Variants in ERCC3 observed in about 807,000 individuals in gnomAD.
The protein encoded by ERCC3 is general transcription and DNA repair factor IIH helicase/translocase subunit XPB.
Under a neutral mutation model 94.2 loss-of-function variants are expected in ERCC3, and 66 were observed. The ratio of observed to expected loss-of-function variants is 0.70; its 90% confidence interval spans 0.57 to 0.86. The LOEUF is 0.86. Ranked by LOEUF, ERCC3 falls within the 40% of genes least tolerant of loss-of-function variation. ERCC3 has a pLI of 0.00. For synonymous variants in ERCC3, 349 were observed against 369.1 expected, an observed-to-expected ratio of 0.95 and a Z score of 0.63; for missense variants, 829 against 987.1, an observed-to-expected ratio of 0.84 and a Z score of 2.15.
rs777771292 is a variant in ERCC3 at position 127,293,607 on chromosome 2, T to A, written c.140A>T (p.Asp47Val). The change falls in exon 2 of 15, where the codon GAT becomes GTT. Residue 47 changes from aspartate to valine, a missense_variant. Coordinates refer to ENST00000285398, the MANE Select transcript of ERCC3 (RefSeq NM_000122.2). ...AVPSAAGKQV[D>V]ESGTKVDEYG... is the part of the protein sequence containing the mutation. ...TTCATCCACTTTGGTGCCTGACTCA[T>A]CCACCTGCTTCCCCGCCGCCGAGGG... 3 of 1,614,230 alleles carry A rather than the reference T, an allele frequency of 1.9e-6. No homozygotes were observed. The highest frequency in any genetic ancestry group is 2.5e-6 in the Non-Finnish European group (3 of 1,180,038).
intron 12 of ERCC3, among the ~76,000 whole-genome samples, chr2:127,266,574 T>G (rs1684374690): frequency 6.6e-6 from 1 of 151,976 alleles, no homozygotes; most frequent in Admixed American, 6.6e-5. Flanking sequence ...CCTGACCTCG[T>G]GATCCACCCG....
chr2:127,264,826 CAGGACTTT>C lies in ERCC3; in HGVS notation c.1946-3488_1946-3481del. Among the ~76,000 whole-genome samples the C allele has an allele frequency of 6.6e-6, 1 of 151,592 alleles. No homozygotes were observed. The highest frequency in any genetic ancestry group is 6.6e-5 in the Admixed American group (1 of 15,208). On this transcript the variant is annotated intron_variant, in intron 12 of 14. Coordinates refer to ENST00000285398, the MANE Select transcript of ERCC3 (RefSeq NM_000122.2). This position sits in a 1 kb window ranked among gnomAD's most constrained non-coding sequence, Gnocchi z 4.4. ...TCAGTAGAACTGAATACATCTGGTC[CAGGACTTT>C]TTTAGTTGGTAGATTTTTTTTTTTT...
rs1432137377 is a variant in ERCC3, at chr2:127,284,542, G to A, written c.1342+2161C>T. ...TAGGTATCTCCAGAAACCCATCAGG[G>A]CTGAAGAGCTCTCATGCACAGAAAG... On this transcript the variant is annotated intron_variant, in intron 8 of 14. Coordinates refer to ENST00000285398, the MANE Select transcript of ERCC3 (RefSeq NM_000122.2). This position sits in a 1 kb window ranked among gnomAD's most constrained non-coding sequence, Gnocchi z 4.1. Among the ~76,000 whole-genome samples the A allele has an allele frequency of 6.6e-6, 1 of 152,198 alleles. No individual in the cohort carries two copies. The highest frequency in any genetic ancestry group is 2.4e-5 in the African/African-American group (1 of 41,450).
At chr2:127,273,026 G>C in intron 10 of ERCC3, 65 bp from the exon 11 acceptor site, 2 of 1,035,872 alleles carry the variant, frequency 1.9e-6, no homozygotes, top group Non-Finnish European at 3.1e-6. Context: ...AAACACATCA[G>C]AGGGAAAAAG....
chr2:127,290,260 C>G lies in ERCC3; in HGVS notation c.485G>C (p.Ser162Thr), dbSNP rs1685222886. 6.2e-7 allele frequency: 1 copy of G among 1,613,716 alleles called. No homozygotes were observed. The highest frequency in any genetic ancestry group is 1.3e-5 in the African/African-American group (1 of 74,934). The change falls in exon 4 of 15, where the codon AGC becomes ACC. Residue 162 changes from serine to threonine, a missense_variant. Ser to Thr is a moderately conservative substitution (Grantham distance 58). Transcript: ENST00000285398. ...CAAGACCAGCTTGACTTTTCCATAG[C>G]TGACAGTACACAACTGCAAATACAG... Reference protein sequence around the residue: ...IMQFIKLCTVSYGKVKLVLKH... With the variant: ...IMQFIKLCTVTYGKVKLVLKH...
chr2:127,289,705 A>G lies in ERCC3; in HGVS notation c.641T>C (p.Phe214Ser). Residue 214 changes from phenylalanine (F) to serine (S), a missense_variant, in exon 5 of 15, where the codon TTC becomes TCC. Phe to Ser is a radical substitution (Grantham distance 155). Transcript: ENST00000285398. The stretch of plus-strand genomic sequence containing the variant: ...TCCACATACGGCAGATTTGCTTGTG[A>G]AAGTCTCTGTGATGAGCTCAGTGGC... ...GEATELITET[F>S]TSKSAISKTA... 6.2e-7 allele frequency: 1 copy of G among 1,614,148 alleles called. No individual in the cohort carries two copies. The highest frequency in any genetic ancestry group is 1.3e-5 in the African/African-American group (1 of 75,022).
In ERCC3 at chr2:127,261,293, T is replaced by C; in HGVS notation, c.1999A>G (p.Thr667Ala). Reference protein sequence around the residue: ...AFFYSLVSQDTQEMAYSTKRQ... With the variant: ...AFFYSLVSQDAQEMAYSTKRQ... ...TTGGTTGAGTAAGCCATTTCCTGTG[T>C]GTCCTGGGATACCAGTGAGTAGAAA... The change falls in exon 13 of 15, where the codon ACA becomes GCA. Residue 667 changes from threonine (T) to alanine (A), a missense_variant. Coordinates refer to ENST00000285398, the MANE Select transcript of ERCC3 (RefSeq NM_000122.2). The C allele has an allele frequency of 6.2e-7, 1 of 1,613,808 alleles. No homozygotes were observed. The highest frequency in any genetic ancestry group is 8.5e-7 in the Non-Finnish European group (1 of 1,179,654).
rs112944010 is a variant in ERCC3 at position 127,258,710 on chromosome 2, A to G, written c.2217+586T>C. On this transcript the variant is annotated intron_variant, in intron 14 of 14. Transcript: ENST00000285398. The surrounding 1 kb of genome is among the most constrained non-coding windows in gnomAD (Gnocchi z 4.1). ...TTGGACAGGCCTGCTAATTCTCCATAATGATGCTCTCACTAATTAGACCAT... is the reference window on the plus strand; with the variant it reads ...TTGGACAGGCCTGCTAATTCTCCATGATGATGCTCTCACTAATTAGACCAT... Among the ~76,000 whole-genome samples the G allele has an allele frequency of 2.6e-5, 4 of 152,324 alleles. No individual in the cohort carries two copies. The highest frequency in any genetic ancestry group is 9.6e-5 in the African/African-American group (4 of 41,580).
intron 7 of ERCC3, among the ~76,000 whole-genome samples, chr2:127,288,335 C>T (rs1685147751): frequency 6.6e-6 from 1 of 152,198 alleles, no homozygotes. Context: ...TACAATCTCA[C>T]CCCTCATGTG....
chr2:127,275,289 C>A (rs1403689237), intron 10 of ERCC3, among the ~76,000 whole-genome samples: 1 of 152,084 alleles, frequency 6.6e-6, no homozygotes, highest in Non-Finnish European at 1.5e-5. Context: ...CTTGGCCCCC[C>A]AAAGTGCTGG....
In ERCC3 at chr2:127,266,333, C is replaced by CTTTT. The variant is rs58029182; in HGVS notation, c.1946-4991_1946-4988dup. 1.7e-3 allele frequency among the ~76,000 whole-genome samples: 186 copies of CTTTT among 111,338 alleles called. 5 individuals carry two copies. Among genetic ancestry groups the CTTTT allele is most frequent in the African/African-American group, 5.6e-3 (140 of 25,012 alleles). 73.0% of individuals were successfully genotyped at this position (111,338 alleles called of 152,430 possible). On this transcript the variant is annotated intron_variant, in intron 12 of 14. Transcript: ENST00000285398. ...TTCGACTTTTTTGAATTTATTGAGT[C>CTTTT]TTTTTTTTTTTTTTTTTTTTTTGAG...
rs200411611 is a variant in ERCC3 at position 127,257,604 on chromosome 2, T to C, written c.2341A>G (p.Arg781Gly). 9.3e-6 allele frequency: 15 copies of C among 1,613,882 alleles called. No individual in the cohort carries two copies. The highest frequency in any genetic ancestry group is 1.2e-5 in the Non-Finnish European group (14 of 1,180,040). The part of the protein sequence containing the change: ...KHVHPLFKRF[R>G]K The stretch of plus-strand genomic sequence containing the variant: ...AGTACCCTGCCTAAGCATCATTTCC[T>C]AAAGCGCTTGAAGAGCGGGTGTACA... Residue 781 changes from arginine (R) to glycine (G), a missense_variant, in exon 15 of 15, where the codon AGG becomes GGG. Transcript: ENST00000285398. The surrounding 1 kb of genome is among the most constrained non-coding windows in gnomAD (Gnocchi z 5.4).
intron 3 of ERCC3, 65 bp downstream of exon 3, chr2:127,292,545 G>C: frequency 9.6e-7 from 1 of 1,043,278 alleles, no homozygotes; most frequent in Non-Finnish European, 1.5e-6. Flanking sequence ...TGACAACATG[G>C]AGCACCTATG....
chr2:127,281,730 G>C lies in ERCC3; in HGVS notation c.1343-1099C>G, dbSNP rs541882874. 2.0e-5 allele frequency among the ~76,000 whole-genome samples: 3 copies of C among 151,902 alleles called. No homozygotes were observed. The East Asian group carries it at 5.8e-4, about 29-fold the overall frequency. On this transcript the variant is annotated intron_variant, in intron 8 of 14. Coordinates refer to ENST00000285398, the MANE Select transcript of ERCC3 (RefSeq NM_000122.2). ...AAATGTTTAGTTTTTACATCTACAT[G>C]GTTTGCACACAACACCACATGCAAA... is the stretch of plus-strand genomic sequence containing the variant.
Position 127,281,000 on chromosome 2 carries a change from C to G in ERCC3, c.1343-369G>C. On this transcript the variant is annotated intron_variant, in intron 8 of 14. Transcript: ENST00000285398. The surrounding 1 kb of genome is among the most constrained non-coding windows in gnomAD (Gnocchi z 6.3). ...GTCCAAAAGAAAATGAAAAGGAGAA[C>G]AAGAGGGTGAAATGAGCTTAAGGAA... 2.2e-6 allele frequency: 1 copy of G among 445,628 alleles called. No individual in the cohort carries two copies. Among genetic ancestry groups the G allele is most frequent in the South Asian group, 6.8e-5 (1 of 14,788 alleles). The allele number at this position is 445,628 out of a possible 1,614,324, so 27.6% of individuals were successfully genotyped here.
intron 10 of ERCC3, among the ~76,000 whole-genome samples, chr2:127,278,031 G>A (rs1346570005): frequency 1.3e-5 from 2 of 152,144 alleles, no homozygotes; most frequent in African/African-American, 4.8e-5. Context: ...CTTGAGCTCA[G>A]GAGTTTGAGA....
intron 12 of ERCC3, among the ~76,000 whole-genome samples, chr2:127,265,629 G>C (rs933568150): frequency 2.6e-5 from 4 of 152,168 alleles, no homozygotes; most frequent in Non-Finnish European, 4.4e-5. Flanking sequence ...ATGTTGGTCA[G>C]GCTGGTCTTG....
At chr2:127,283,549 A>T (rs1487880337) in intron 8 of ERCC3, among the ~76,000 whole-genome samples, 2 of 152,228 alleles carry the variant, frequency 1.3e-5, no homozygotes, top group Non-Finnish European at 2.9e-5. Context: ...ATTCGTGTAC[A>T]GGATTTTGTG....
Position 127,289,745 on chromosome 2 carries a change from T to A in ERCC3, c.601A>T (p.Asn201Tyr). 1 of 1,614,096 alleles carries A rather than the reference T, an allele frequency of 6.2e-7. No homozygotes were observed. Among genetic ancestry groups the A allele is most frequent in the Non-Finnish European group, 8.5e-7 (1 of 1,180,024 alleles). Residue 201 changes from asparagine (N) to tyrosine (Y), a missense_variant, in exon 5 of 15, where the codon AAC becomes TAC. Physicochemically the swap from Asn to Tyr is moderately radical, Grantham distance 143. Transcript: ENST00000285398. The stretch of plus-strand genomic sequence containing the variant: ...AGCTCAGTGGCCTCCCCTTCAGAGT[T>A]TCTTAAGCGGCATTCTCGGATCACG... Reference protein sequence around the residue: ...DPVIRECRLRNSEGEATELIT... With the variant: ...DPVIRECRLRYSEGEATELIT...
Sources: gnomAD v4.1 joint callset for allele counts (sites outside exome capture counted in the v4.1 genomes callset) on GRCh38, gnomAD v4.1.1 for gene constraint, Gnocchi (gnomAD v3.1) non-coding constraint, MANE v1.5 for transcripts, NCBI Gene and HGNC (gene_info 2026-07-23, HGNC 2026-07-21) for gene names.